Variants in EBF1 observed in about 807,000 individuals in gnomAD.
EBF1 encodes the protein transcription factor COE1.
A neutral mutation model predicts 68.4 loss-of-function variants in EBF1; 10 were observed. The observed-to-expected ratio is 0.15, with a 90% confidence interval of 0.09 to 0.25. The LOEUF (loss-of-function observed/expected upper bound fraction) is 0.25. Ranked by LOEUF, EBF1 falls within the 10% of genes least tolerant of loss-of-function variation. The probability of loss-of-function intolerance (pLI) is 1.00; values close to 1 mark genes in which losing one functional copy is unlikely to be tolerated. For missense variants in EBF1, 509 were observed against 794.4 expected (o/e 0.64, Z 4.32); for synonymous variants, 298 against 299.8 (o/e 0.99, Z 0.06).
At chr5:159,095,731 G>A in intron 3 of EBF1, 56 bp from the exon 4 acceptor site, 2 of 1,577,268 alleles carry the variant, frequency 1.3e-6, no homozygotes, top group Non-Finnish European at 1.7e-6. Flanking sequence ...ACGGAGGGTG[G>A]GTGGACAATA....
intron 11 of EBF1, 110 bp from the exon 12 acceptor site, chr5:158,714,292 T>A: frequency 1.6e-6 from 2 of 1,244,594 alleles, no homozygotes; most frequent in Non-Finnish European, 2.4e-6. Flanking sequence ...GGCACTGCTA[T>A]AAAGGCCGTA....
At chr5:158,737,857 A>G (rs751596418) in intron 10 of EBF1, among the ~76,000 whole-genome samples, 3 of 152,210 alleles carry the variant, frequency 2.0e-5, no homozygotes, top group Non-Finnish European at 4.4e-5. Context: ...GAAGATCCTC[A>G]GGACTGTAGC....
chr5:158,931,801 G>GTGAAA (rs1810950186), intron 6 of EBF1, among the ~76,000 whole-genome samples: 1 of 152,188 alleles, frequency 6.6e-6, no homozygotes, highest in African/African-American at 2.4e-5. Flanking sequence ...CTAGGAGGCT[G>GTGAAA]TGAAATGTTG....
intron 6 of EBF1, among the ~76,000 whole-genome samples, chr5:158,871,606 C>T (rs1354403573): frequency 6.6e-6 from 1 of 152,152 alleles, no homozygotes. Flanking sequence ...CTTTATAAAA[C>T]CCCCTGGCCA....
Position 159,040,939 on chromosome 5 carries a change from C to G in EBF1, c.554+32457G>C, listed in dbSNP as rs142692288. On this transcript the variant is annotated intron_variant, in intron 6 of 15. Transcript: ENST00000313708. ...CTACATGTGAATTTATGCTTTTAGA[C>G]AGGTGGCTGTATGTAGACAAGAGAC... 1.8e-3 allele frequency among the ~76,000 whole-genome samples: 277 copies of G among 152,254 alleles called. 1 individual carries two copies. Among genetic ancestry groups the G allele is most frequent in the African/African-American group, 6.2e-3 (258 of 41,540 alleles).
rs2127494829 is a variant in EBF1, at chr5:158,714,317, AG to A, written c.1126-136del. On this transcript the variant is annotated intron_variant, in intron 11 of 15. Transcript: ENST00000313708. ...TAAAGGCCGTAGCTTGGGGAACCCC[AG>A]AAGGGTGTTAAATCACCAATTTATC... The A allele has an allele frequency of 2.0e-5, 18 of 917,522 alleles. No homozygotes were observed. In the South Asian group the frequency reaches 2.5e-4, roughly 13 times the overall value. The allele number at this position is 917,522 out of a possible 1,614,324, so 56.8% of individuals were successfully genotyped here.
chr5:158,881,007 G>A (rs1257818027), intron 6 of EBF1, among the ~76,000 whole-genome samples: 1 of 151,940 alleles, frequency 6.6e-6, no homozygotes, highest in Non-Finnish European at 1.5e-5. Flanking sequence ...CTGCAAAGAA[G>A]AAGAAGAGGG....
chr5:158,736,242 A>G (rs141847897), intron 10 of EBF1, among the ~76,000 whole-genome samples: 71 of 152,316 alleles, frequency 4.7e-4, no homozygotes, highest in African/African-American at 1.7e-3. Context: ...GTTTCCTTTT[A>G]AAGAAGCCAC....
At chr5:158,755,994 T>G (rs1287021311) in intron 10 of EBF1, among the ~76,000 whole-genome samples, 1 of 152,164 alleles carries the variant, frequency 6.6e-6, no homozygotes. Flanking sequence ...TTTCTTAAAT[T>G]TCCTAACTTG....
chr5:158,742,446 A>G (rs982770317), intron 10 of EBF1, among the ~76,000 whole-genome samples: 1 of 151,946 alleles, frequency 6.6e-6, no homozygotes, highest in Admixed American at 6.7e-5. Flanking sequence ...TTATTTGTAC[A>G]GTGATTAGCA....
intron 6 of EBF1, among the ~76,000 whole-genome samples, chr5:158,866,685 T>G: frequency 6.6e-6 from 1 of 151,624 alleles, no homozygotes; most frequent in East Asian, 1.9e-4. Context: ...ATGTCGGCGT[T>G]TATGAGTGCA....
intron 4 of EBF1, among the ~76,000 whole-genome samples, chr5:159,093,150 C>T (rs1287294961): frequency 6.6e-6 from 1 of 152,118 alleles, no homozygotes; most frequent in Non-Finnish European, 1.5e-5. Context: ...TTTTTGGAGG[C>T]CATTGTATTA....
At chr5:158,983,055 C>T (rs1758221794) in intron 6 of EBF1, 1 of 152,186 alleles carries the variant, frequency 6.6e-6, no homozygotes, top group African/African-American at 2.4e-5. Context: ...CTCCTGACTC[C>T]CTCAGCCCTT....
At chr5:159,052,276 A>G (rs764410255) in intron 6 of EBF1, among the ~76,000 whole-genome samples, 9 of 151,596 alleles carry the variant, frequency 5.9e-5, no homozygotes, top group Non-Finnish European at 1.2e-4. Context: ...AAAACCTCCT[A>G]TCTCAAATCA....
At chr5:158,775,783 GACACACACACACACACAC>G (rs58752245) in intron 10 of EBF1, among the ~76,000 whole-genome samples, 150 of 129,604 alleles carry the variant, frequency 1.2e-3, no homozygotes, top group African/African-American at 2.7e-3. Flanking sequence ...CATGCACACA[GACACACACACACACACAC>G]ACACACACAC....
At chr5:158,919,005 G>A (rs563796999) in intron 6 of EBF1, among the ~76,000 whole-genome samples, 56 of 152,296 alleles carry the variant, frequency 3.7e-4, no homozygotes, top group African/African-American at 1.3e-3. Context: ...ATATTCCATG[G>A]CCTAGAGTTC....
At chr5:159,006,767 A>C (rs2127665494) in intron 6 of EBF1, among the ~76,000 whole-genome samples, 1 of 152,044 alleles carries the variant, frequency 6.6e-6, no homozygotes, top group East Asian at 1.9e-4. Context: ...AACTATACCC[A>C]AAAATACTCA....
At chr5:159,068,686 A>G (rs949268883) in intron 6 of EBF1, among the ~76,000 whole-genome samples, 1 of 152,160 alleles carries the variant, frequency 6.6e-6, no homozygotes, top group African/African-American at 2.4e-5. Context: ...CAACAGGCAA[A>G]TGGGCATTCT....
At chr5:158,794,517 A>G (rs915553463) in intron 9 of EBF1, among the ~76,000 whole-genome samples, 34 of 152,134 alleles carry the variant, frequency 2.2e-4, no homozygotes, top group African/African-American at 6.3e-4. Flanking sequence ...TCCATATTCA[A>G]TGGAGTCCAC....
Sources: gnomAD v4.1 joint callset for allele counts (sites outside exome capture counted in the v4.1 genomes callset) on GRCh38, gnomAD v4.1.1 for gene constraint, MANE v1.5 for transcripts, NCBI Gene and HGNC (gene_info 2026-07-23, HGNC 2026-07-21) for gene names.